Variants in COL22A1 observed in about 807,000 individuals in gnomAD.
COL22A1 encodes collagen type XXII alpha 1 chain, also known as collagen alpha-1(XXII) chain.
A neutral mutation model predicts 248.9 loss-of-function variants in COL22A1; 221 were observed. The observed-to-expected ratio is 0.89, with a 90% CI of 0.80 to 0.99. The LOEUF (loss-of-function observed/expected upper bound fraction) is 0.99. Ranked by LOEUF, COL22A1 falls within the 50% of genes least tolerant of loss-of-function variation. The pLI, the probability that COL22A1 is intolerant of heterozygous loss-of-function variation, is 0.00. For missense variants in COL22A1, 2,240 were observed against 2,179.0 expected, an observed-to-expected ratio of 1.03 and a Z score of -0.56; for synonymous variants, 891 against 793.4, an observed-to-expected ratio of 1.12 and a Z score of -2.07.
chr8:138,755,890 A>G (rs940217183), intron 18 of COL22A1, 61 bp from the exon 19 acceptor site: 15 of 1,457,288 alleles, frequency 1.0e-5, no homozygotes, highest in Non-Finnish European at 1.4e-5. Context: ...TGGCAGTCCC[A>G]TCCCTCTGAG....
intron 17 of COL22A1, among the ~76,000 whole-genome samples, chr8:138,761,178 G>T (rs1480080376): frequency 6.6e-6 from 1 of 152,192 alleles, no homozygotes; most frequent in African/African-American, 2.4e-5. Flanking sequence ...AGGTCTGTGT[G>T]CTGGGTTATT....
In COL22A1 at chr8:138,755,469, G is replaced by A. The variant is rs775455730; in HGVS notation, c.1977+13C>T. On this transcript the variant is annotated intron_variant, in intron 20 of 64. Coordinates refer to ENST00000303045, the MANE Select transcript of COL22A1 (RefSeq NM_152888.3). Reference sequence around the variant, plus strand: ...CTAAATCCCCATGAGAAGAAGACGCGTGTGCCTCTTACCTGTTCCCCTTTC... The same window carrying A: ...CTAAATCCCCATGAGAAGAAGACGCATGTGCCTCTTACCTGTTCCCCTTTC... The A allele has an allele frequency of 2.6e-5, 42 of 1,610,520 alleles. No individual in the cohort carries two copies. Among genetic ancestry groups the A allele is most frequent in the East Asian group, 6.7e-5 (3 of 44,882 alleles).
chr8:138,885,871 C>G (rs1824629974), intron 1 of COL22A1, among the ~76,000 whole-genome samples: 1 of 152,222 alleles, frequency 6.6e-6, no homozygotes, highest in Non-Finnish European at 1.5e-5. Context: ...CCTCACACAG[C>G]TTTTAGCACA....
chr8:138,839,225 T>A (rs1820676752), intron 4 of COL22A1, among the ~76,000 whole-genome samples: 1 of 152,154 alleles, frequency 6.6e-6, no homozygotes, highest in Admixed American at 6.6e-5. Context: ...GGGCCTCCTA[T>A]GTGTTAGATG....
intron 16 of COL22A1, among the ~76,000 whole-genome samples, chr8:138,765,700 G>A (rs1040384176): frequency 2.0e-5 from 3 of 152,226 alleles, no homozygotes; most frequent in African/African-American, 2.4e-5. Flanking sequence ...GTGTGGTCAC[G>A]CCCAGAGAAA....
At position 138,865,967 on chromosome 8, in the gene COL22A1, G is replaced by A. The variant is rs1329222024; in HGVS notation, c.658+11783C>T. 2.0e-5 allele frequency among the ~76,000 whole-genome samples: 3 copies of A among 151,866 alleles called. No homozygotes were observed. The East Asian group carries it at 5.8e-4, about 29-fold the overall frequency. ...TGTATGTTTGTATGCCTGTGTGTGA[G>A]TATATGTGTGTGTGTGTTTGTATGC... On this transcript the variant is annotated intron_variant, in intron 3 of 64. Coordinates refer to ENST00000303045, the MANE Select transcript of COL22A1 (RefSeq NM_152888.3).
intron 52 of COL22A1, 29 bp from the exon 53 acceptor site, chr8:138,619,537 G>A: frequency 6.2e-7 from 1 of 1,603,400 alleles, no homozygotes; most frequent in South Asian, 1.1e-5. Context: ...AGAAGAGTTT[G>A]AGGACAACAT....
At chr8:138,721,295 C>T (rs1829850806) in intron 26 of COL22A1, among the ~76,000 whole-genome samples, 1 of 152,146 alleles carries the variant, frequency 6.6e-6, no homozygotes, top group South Asian at 2.1e-4. Context: ...TTCCAAGTTG[C>T]CTTTCAAGGA....
intron 26 of COL22A1, among the ~76,000 whole-genome samples, chr8:138,721,065 G>A (rs1829833709): frequency 6.6e-6 from 1 of 152,162 alleles, no homozygotes; most frequent in Admixed American, 6.5e-5. Context: ...AAGAAAGGAA[G>A]ATGTTGCATA....
chr8:138,830,188 T>C (rs1239386503), intron 5 of COL22A1, among the ~76,000 whole-genome samples: 2 of 152,208 alleles, frequency 1.3e-5, no homozygotes, highest in Non-Finnish European at 2.9e-5. Flanking sequence ...CAGCCTCTGC[T>C]TCTTCTGACC....
chr8:138,805,533 ATG>A (rs2131648242), intron 10 of COL22A1, among the ~76,000 whole-genome samples: 1 of 99,574 alleles, frequency 1.0e-5, no homozygotes, highest in Non-Finnish European at 2.0e-5. Flanking sequence ...GTGTGATGGC[ATG>A]TGTGTGATGG....
intron 23 of COL22A1, among the ~76,000 whole-genome samples, chr8:138,736,174 G>T (rs80307717): frequency 6.6e-6 from 1 of 151,798 alleles, no homozygotes; most frequent in Non-Finnish European, 1.5e-5. Context: ...TTTTTATGGC[G>T]AGAGCTGAGC....
At chr8:138,713,804 G>T (rs1466428987) in intron 30 of COL22A1, among the ~76,000 whole-genome samples, 15 of 152,060 alleles carry the variant, frequency 9.9e-5, no homozygotes, top group Non-Finnish European at 2.9e-5. Context: ...ATCAGCACAG[G>T]TTTCTCTGGG....
At chr8:138,887,251 G>A (rs1419066832) in intron 1 of COL22A1, among the ~76,000 whole-genome samples, 2 of 148,572 alleles carry the variant, frequency 1.3e-5, no homozygotes, top group African/African-American at 2.5e-5. Context: ...TTTAGATGGA[G>A]TCTTACTCTG....
At chr8:138,668,397 C>T (rs11987510) in intron 41 of COL22A1, among the ~76,000 whole-genome samples, 82,735 of 151,528 alleles carry the variant, frequency 0.55, 25,128 homozygotes, top group Middle Eastern at 0.71. Flanking sequence ...TTTATATATA[C>T]ACACACACAC....
intron 16 of COL22A1, among the ~76,000 whole-genome samples, chr8:138,773,944 G>A (rs1322805133): frequency 1.3e-5 from 2 of 152,174 alleles, no homozygotes; most frequent in Non-Finnish European, 2.9e-5. Flanking sequence ...CCGCTACACG[G>A]GGATTGAAAT....
chr8:138,679,200 A>G (rs758819141), intron 40 of COL22A1, among the ~76,000 whole-genome samples: 12 of 152,358 alleles, frequency 7.9e-5, no homozygotes, highest in Non-Finnish European at 1.5e-4. Flanking sequence ...TAGAAGATAG[A>G]AAGTGAACTA....
In COL22A1 at chr8:138,821,405, T is replaced by C; in HGVS notation, c.976A>G (p.Ile326Val). Residue 326 changes from isoleucine to valine, a missense_variant, in exon 7 of 65, where the codon ATC becomes GTC. Physicochemically the swap from Ile to Val is conservative, Grantham distance 29. Coordinates refer to ENST00000303045, the MANE Select transcript of COL22A1 (RefSeq NM_152888.3). Reference sequence around the variant, plus strand: ...GCCTTGTTTTCACCATCCAGCCGGATGGAGACCTGGGGAGGAAAGGACCAG... The same window carrying C: ...GCCTTGTTTTCACCATCCAGCCGGACGGAGACCTGGGGAGGAAAGGACCAG... ...IDQYSIPQVS[I>V]RLDGENKAVE... 2 of 1,612,156 alleles carry C rather than the reference T, an allele frequency of 1.2e-6. No individual in the cohort carries two copies.
chr8:138,673,474 G>A (rs2130784217), intron 41 of COL22A1, among the ~76,000 whole-genome samples: 1 of 152,268 alleles, frequency 6.6e-6, no homozygotes, highest in South Asian at 2.1e-4. Context: ...CTCCCAAAGT[G>A]CTGGGATTAC....
Sources: gnomAD v4.1 joint callset for allele counts (sites outside exome capture counted in the v4.1 genomes callset) on GRCh38, gnomAD v4.1.1 for gene constraint, MANE v1.5 for transcripts, NCBI Gene and HGNC (gene_info 2026-07-23, HGNC 2026-07-21) for gene names.